SPATA17: variants seen among roughly 807,000 people sequenced by gnomAD.
SPATA17 encodes the protein spermatogenesis associated 17.
Under a neutral mutation model 62.2 loss-of-function variants are expected in SPATA17, and 53 were observed. The observed-to-expected ratio is 0.85, with a 90% CI of 0.68 to 1.07. SPATA17 has a LOEUF of 1.07. SPATA17 is among the 50% of genes least tolerant of loss of function. The probability of loss-of-function intolerance (pLI) is 0.00; values close to 1 mark genes in which losing one functional copy is unlikely to be tolerated. For missense variants in SPATA17, 466 were observed against 425.5 expected (o/e 1.10, Z -0.84); for synonymous variants, 146 against 146.8 (o/e 0.99, Z 0.04).
At chr1:217,711,617 A>G (rs1264331645) in intron 5 of SPATA17, among the ~76,000 whole-genome samples, 2 of 152,244 alleles carry the variant, frequency 1.3e-5, no homozygotes, top group East Asian at 3.8e-4. Context: ...AATATGCAGT[A>G]TATGAAACAC....
intron 5 of SPATA17, among the ~76,000 whole-genome samples, chr1:217,716,870 T>G (rs1023529935): frequency 6.6e-6 from 1 of 152,244 alleles, no homozygotes; most frequent in African/African-American, 2.4e-5. Context: ...GTGTTTTATA[T>G]GTTATCTCGT....
At chr1:217,861,173 A>G (rs1294977864) in intron 9 of SPATA17, among the ~76,000 whole-genome samples, 1 of 151,986 alleles carries the variant, frequency 6.6e-6, no homozygotes, top group South Asian at 2.1e-4. Flanking sequence ...GATGAATGGC[A>G]TTGTTGTTAT....
chr1:217,858,919 T>C (rs1675837851), intron 9 of SPATA17, among the ~76,000 whole-genome samples: 1 of 151,864 alleles, frequency 6.6e-6, no homozygotes, highest in Admixed American at 6.6e-5. Context: ...TCCCAGCCTC[T>C]TGGGAGGCTG....
chr1:217,811,046 T>TTTAC (rs1488921493), intron 9 of SPATA17, among the ~76,000 whole-genome samples: 4 of 152,132 alleles, frequency 2.6e-5, no homozygotes, highest in Admixed American at 6.5e-5. Flanking sequence ...TATTTATTTA[T>TTTAC]TTTTTGAGAC....
At chr1:217,734,013 G>A (rs763772731) in intron 5 of SPATA17, among the ~76,000 whole-genome samples, 1 of 152,160 alleles carries the variant, frequency 6.6e-6, no homozygotes, top group Non-Finnish European at 1.5e-5. Flanking sequence ...GGTAGATAAA[G>A]TAAGTGGTGT....
At chr1:217,791,843 G>A (rs903158515) in intron 8 of SPATA17, among the ~76,000 whole-genome samples, 1 of 152,178 alleles carries the variant, frequency 6.6e-6, no homozygotes, top group African/African-American at 2.4e-5. Context: ...AATGGGGTCA[G>A]AGGCCAGAGT....
At chr1:217,715,840 GAACTAACAGCT>G (rs1671990818) in intron 5 of SPATA17, among the ~76,000 whole-genome samples, 1 of 152,230 alleles carries the variant, frequency 6.6e-6, no homozygotes, top group Admixed American at 6.5e-5. Flanking sequence ...TCAGAATCCA[GAACTAACAGCT>G]AACTAACAGC....
At chr1:217,728,601 G>A (rs1489691954) in intron 5 of SPATA17, among the ~76,000 whole-genome samples, 1 of 151,774 alleles carries the variant, frequency 6.6e-6, no homozygotes, top group Admixed American at 6.6e-5. Context: ...TCCACAGGAC[G>A]ATTTTTGTTA....
chr1:217,829,408 AT>A, intron 9 of SPATA17, among the ~76,000 whole-genome samples: 1 of 151,924 alleles, frequency 6.6e-6, no homozygotes, highest in African/African-American at 2.4e-5. Context: ...AGGCTGGATC[AT>A]CTGAGGTCAG....
chr1:217,737,272 A>G (rs1304827402), intron 5 of SPATA17, among the ~76,000 whole-genome samples: 1 of 152,182 alleles, frequency 6.6e-6, no homozygotes, highest in Non-Finnish European at 1.5e-5. Context: ...GATGATATCT[A>G]TGTCTTAGCC....
At chr1:217,802,997 C>T (rs1674348411) in intron 9 of SPATA17, among the ~76,000 whole-genome samples, 1 of 152,140 alleles carries the variant, frequency 6.6e-6, no homozygotes, top group African/African-American at 2.4e-5. Flanking sequence ...ACTGCAACCT[C>T]CGCCCCTCAG....
chr1:217,771,001 T>TTTTTTTTTTTTTTTTC (rs1673430274), intron 6 of SPATA17, among the ~76,000 whole-genome samples: 1 of 132,370 alleles, frequency 7.6e-6, no homozygotes, highest in Non-Finnish European at 1.6e-5. Flanking sequence ...TTTTTTTTTT[T>TTTTTTTTTTTTTTTTC]TTTTTTTGCC....
chr1:217,728,212 A>C (rs1196568093), intron 5 of SPATA17, among the ~76,000 whole-genome samples: 4 of 152,180 alleles, frequency 2.6e-5, no homozygotes, highest in African/African-American at 4.8e-5. Context: ...TGATAAAACA[A>C]TAGGAAATAA....
intron 9 of SPATA17, among the ~76,000 whole-genome samples, chr1:217,828,365 G>T (rs907545050): frequency 1.3e-5 from 2 of 151,526 alleles, no homozygotes; most frequent in Non-Finnish European, 2.9e-5. Context: ...AAGGAAACTG[G>T]ATTTCCAAAT....
At chr1:217,827,541 C>T (rs1198020376) in intron 9 of SPATA17, among the ~76,000 whole-genome samples, 2 of 152,032 alleles carry the variant, frequency 1.3e-5, no homozygotes, top group Non-Finnish European at 2.9e-5. Context: ...GGCATATACC[C>T]AAAGGAATAT....
Position 217,742,082 on chromosome 1 carries a change from T to A in SPATA17, c.503T>A (p.Leu168His). 2 of 1,614,104 alleles carry A rather than the reference T, an allele frequency of 1.2e-6. No individual in the cohort carries two copies. Among genetic ancestry groups the A allele is most frequent in the South Asian group, 2.2e-5 (2 of 91,078 alleles). Reference protein sequence around the residue: ...RDYQARKMHYLLSTKQIPGIY... With the variant: ...RDYQARKMHYHLSTKQIPGIY... Reference sequence around the variant, plus strand: ...TACCAAGCCCGAAAGATGCATTACCTCCTCAGCACAAAGCAGGTTGGTTTA... The same window carrying A: ...TACCAAGCCCGAAAGATGCATTACCACCTCAGCACAAAGCAGGTTGGTTTA... Residue 168 changes from leucine (L) to histidine (H), a missense_variant, in exon 6 of 11, where the codon CTC (leucine) becomes CAC (histidine). Coordinates refer to ENST00000366933, the MANE Select transcript of SPATA17 (RefSeq NM_138796.4).
chr1:217,802,127 G>C (rs1193069723), intron 9 of SPATA17, among the ~76,000 whole-genome samples: 3 of 152,072 alleles, frequency 2.0e-5, no homozygotes, highest in Non-Finnish European at 2.9e-5. Context: ...GTCAGGGCTT[G>C]AGTATGAGGT....
At chr1:217,737,695 C>T (rs1672540670) in intron 5 of SPATA17, 1 of 152,346 alleles carries the variant, frequency 6.6e-6, no homozygotes, top group Admixed American at 6.5e-5. Context: ...GCAGACAGCA[C>T]TCCTGGCAGC....
At chr1:217,830,651 T>C (rs889710083) in intron 9 of SPATA17, among the ~76,000 whole-genome samples, 3 of 152,176 alleles carry the variant, frequency 2.0e-5, no homozygotes, top group African/African-American at 7.2e-5. Flanking sequence ...TCATATTTAT[T>C]CTTAGAAGAG....
Sources: allele counts gnomAD v4.1 joint callset (sites outside exome capture counted in the v4.1 genomes callset), GRCh38; gene constraint gnomAD v4.1.1; transcripts MANE v1.5; gene names NCBI Gene and HGNC (gene_info 2026-07-23, HGNC 2026-07-21).